The following CTNNA2 variants were observed in gnomAD, a reference collection of about 807,000 sequenced individuals.
The protein encoded by CTNNA2 is catenin alpha-2.
In CTNNA2, 42 loss-of-function variants were observed where a neutral mutation model predicts 101.0. The observed-to-expected ratio is 0.42, with a 90% CI of 0.32 to 0.54. The LOEUF (loss-of-function observed/expected upper bound fraction) is 0.54, where lower values mean the gene tolerates loss of function less well. Ranked by LOEUF, CTNNA2 falls within the 20% of genes least tolerant of loss-of-function variation. The probability of loss-of-function intolerance (pLI) is 0.14; values close to 1 mark genes in which losing one functional copy is unlikely to be tolerated. For synonymous variants in CTNNA2, 450 were observed against 456.4 expected, an observed-to-expected ratio of 0.99 and a Z score of 0.18; for missense variants, 871 against 1,223.1, an observed-to-expected ratio of 0.71 and a Z score of 4.29.
chr2:79,206,723 C>T (rs1247802413), intron 2 of CTNNA2, among the ~76,000 whole-genome samples: 1 of 152,186 alleles, frequency 6.6e-6, no homozygotes, highest in African/African-American at 2.4e-5. Context: ...AAGCAGCCAT[C>T]CTTTCCCCAT....
chr2:79,582,102 C>G (rs953951571), intron 1 of CTNNA2, among the ~76,000 whole-genome samples: 3 of 152,312 alleles, frequency 2.0e-5, no homozygotes, highest in Admixed American at 1.3e-4. Context: ...TGCCAGCCTG[C>G]CTCATACTGG....
intron 7 of CTNNA2, among the ~76,000 whole-genome samples, chr2:80,300,281 GGTGTGTGTGTGT>G (rs70940079): frequency 0.026 from 2,390 of 93,104 alleles, 72 homozygotes; most frequent in African/African-American, 0.097. Flanking sequence ...GGGGTGTTGG[GGTGTGTGTGTGT>G]GTGTGTGTGT....
chr2:79,609,351 G>T (rs887648975), intron 1 of CTNNA2, among the ~76,000 whole-genome samples: 1 of 151,956 alleles, frequency 6.6e-6, no homozygotes, highest in East Asian at 1.9e-4. Context: ...TCATCTTATG[G>T]TTTTATGTGC....
chr2:79,818,821 T>TTTTATATATA lies in CTNNA2; in HGVS notation c.299-39191_299-39190insTTATATATAT, dbSNP rs1553373413. Among the ~76,000 whole-genome samples the TTTTATATATA allele has an allele frequency of 2.9e-3, 214 of 74,198 alleles. 18 individuals carry two copies. Among genetic ancestry groups the TTTTATATATA allele is most frequent in the Middle Eastern group, 0.017 (2 of 118 alleles). 48.7% of individuals were successfully genotyped at this position (74,198 alleles called of 152,430 possible). A position where few individuals can be genotyped will look rare whatever the true frequency, so the allele number is the denominator to read the frequency against. On this transcript the variant is annotated intron_variant, in intron 3 of 18. Coordinates refer to ENST00000402739, the MANE Select transcript of CTNNA2 (RefSeq NM_001282597.3). The stretch of plus-strand genomic sequence containing the variant: ...ATATACTTCAGGATCCAAAATGCAA[T>TTTTATATATA]TATATATATATATATATATATATAT...
At chr2:79,645,018 T>C (rs938406780) in intron 1 of CTNNA2, among the ~76,000 whole-genome samples, 1 of 152,074 alleles carries the variant, frequency 6.6e-6, no homozygotes, top group Admixed American at 6.6e-5. Flanking sequence ...GGTTTTACTC[T>C]AACATCCAGA....
At chr2:80,589,908 G>GTGCA (rs1431149024) in intron 15 of CTNNA2, among the ~76,000 whole-genome samples, 5 of 149,984 alleles carry the variant, frequency 3.3e-5, no homozygotes, top group Admixed American at 6.6e-5. Context: ...GTGTGTGTGC[G>GTGCA]CGCGCGCGCA....
At chr2:79,738,868 C>A (rs1032456375) in intron 2 of CTNNA2, among the ~76,000 whole-genome samples, 1 of 152,150 alleles carries the variant, frequency 6.6e-6, no homozygotes, top group Non-Finnish European at 1.5e-5. Context: ...CTAATGAAAT[C>A]TGAATTTCTT....
chr2:80,422,530 T>TG (rs1436000465), intron 9 of CTNNA2, among the ~76,000 whole-genome samples: 1 of 152,154 alleles, frequency 6.6e-6, no homozygotes, highest in African/African-American at 2.4e-5. Context: ...TGGATCTCAG[T>TG]GGGGAAATTT....
chr2:80,056,917 G>A (rs1697249373), intron 7 of CTNNA2, among the ~76,000 whole-genome samples: 1 of 152,116 alleles, frequency 6.6e-6, no homozygotes, highest in African/African-American at 2.4e-5. Context: ...AGGAATCAGT[G>A]CTCTCAGCCT....
intron 7 of CTNNA2, among the ~76,000 whole-genome samples, chr2:80,019,448 T>C (rs1694393379): frequency 1.3e-5 from 2 of 152,180 alleles, no homozygotes; most frequent in Admixed American, 1.3e-4. Flanking sequence ...TCCTACGTAC[T>C]CAAGAAACCA....
At chr2:79,242,987 T>TACACACACACAC (rs1409038168) in intron 2 of CTNNA2, among the ~76,000 whole-genome samples, 6 of 54,396 alleles carry the variant, frequency 1.1e-4, no homozygotes, top group Non-Finnish European at 1.9e-4. Flanking sequence ...TATATATATA[T>TACACACACACAC]ATATATACAC....
chr2:79,761,151 T>G (rs1488429275), intron 3 of CTNNA2, among the ~76,000 whole-genome samples: 1 of 152,238 alleles, frequency 6.6e-6, no homozygotes, highest in East Asian at 1.9e-4. Flanking sequence ...CTTTATGAAA[T>G]GACGATAAGC....
At chr2:79,867,380 A>T (rs1487638731) in intron 4 of CTNNA2, among the ~76,000 whole-genome samples, 1 of 151,618 alleles carries the variant, frequency 6.6e-6, no homozygotes, top group African/African-American at 2.4e-5. Context: ...CATCTATCTA[A>T]TCTATCTGTC....
intron 7 of CTNNA2, among the ~76,000 whole-genome samples, chr2:79,981,573 C>CT (rs1318327956): frequency 4.6e-5 from 7 of 152,106 alleles, no homozygotes; most frequent in Admixed American, 4.6e-4. Context: ...ACTCCTAACT[C>CT]TAACATGTAT....
intron 15 of CTNNA2, among the ~76,000 whole-genome samples, chr2:80,598,869 G>A (rs999128697): frequency 6.6e-6 from 1 of 152,192 alleles, no homozygotes; most frequent in Non-Finnish European, 1.5e-5. Flanking sequence ...GAATATGTTA[G>A]GAGTGGGTTA....
intron 4 of CTNNA2, among the ~76,000 whole-genome samples, chr2:79,416,179 T>G (rs1384311146): frequency 6.6e-6 from 1 of 151,874 alleles, no homozygotes; most frequent in Non-Finnish European, 1.5e-5. Flanking sequence ...CTTCACACTT[T>G]CCAAGTCATC....
intron 2 of CTNNA2, among the ~76,000 whole-genome samples, chr2:79,677,530 A>G (rs1186294014): frequency 6.6e-6 from 1 of 152,226 alleles, no homozygotes; most frequent in African/African-American, 2.4e-5. Flanking sequence ...TATTTTAAAC[A>G]TGGTTACATG....
intron 4 of CTNNA2, among the ~76,000 whole-genome samples, chr2:79,488,355 C>T (rs1490884360): frequency 7.3e-6 from 1 of 137,902 alleles, no homozygotes; most frequent in Admixed American, 7.5e-5. Flanking sequence ...ACAGTTCAAA[C>T]ACATGTGTGG....
intron 3 of CTNNA2, among the ~76,000 whole-genome samples, chr2:79,750,323 A>T (rs907660211): frequency 6.6e-6 from 1 of 152,168 alleles, no homozygotes; most frequent in African/African-American, 2.4e-5. Context: ...CTTTATGTCC[A>T]GGCCTCACCC....
Sources: gnomAD v4.1 joint callset for allele counts (sites outside exome capture counted in the v4.1 genomes callset) on GRCh38, gnomAD v4.1.1 for gene constraint, MANE v1.5 for transcripts, NCBI Gene and HGNC (gene_info 2026-07-23, HGNC 2026-07-21) for gene names.